MPHOSPH9: variants seen among roughly 807,000 people sequenced by gnomAD.
MPHOSPH9 encodes M-phase phosphoprotein 9.
A neutral mutation model predicts 145.5 loss-of-function variants in MPHOSPH9; 88 were observed. That is an observed-to-expected ratio of 0.60 (90% CI 0.51 to 0.72). The LOEUF (loss-of-function observed/expected upper bound fraction) is 0.72, where lower values mean the gene tolerates loss of function less well. Ranked by LOEUF, MPHOSPH9 falls within the 30% of genes least tolerant of loss-of-function variation. The pLI, the probability that MPHOSPH9 is intolerant of heterozygous loss-of-function variation, is 0.00. For synonymous variants in MPHOSPH9, 435 were observed against 486.2 expected (o/e 0.89, Z 1.39); for missense variants, 1,238 against 1,386.6 (o/e 0.89, Z 1.70).
chr12:123,202,454 G>T (rs2046263250), intron 10 of MPHOSPH9, 135 bp from the exon 11 acceptor site: 2 of 1,187,366 alleles, frequency 1.7e-6, no homozygotes, highest in South Asian at 3.1e-5. Context: ...AAAATATATA[G>T]ATTAATACAC....
intron 23 of MPHOSPH9, among the ~76,000 whole-genome samples, chr12:123,158,610 TAAG>T (rs1177347259): frequency 1.3e-5 from 2 of 151,746 alleles, no homozygotes; most frequent in Non-Finnish European, 2.9e-5. Context: ...AAGAGAAACC[TAAG>T]AAGAGAATCA....
chr12:123,167,566 C>A (rs1338332102), intron 16 of MPHOSPH9, among the ~76,000 whole-genome samples: 1 of 152,102 alleles, frequency 6.6e-6, no homozygotes, highest in Non-Finnish European at 1.5e-5. Flanking sequence ...GTGGACTGCC[C>A]TTTGTCTTTT....
chr12:123,217,124 C>T (rs1268900007), intron 6 of MPHOSPH9, among the ~76,000 whole-genome samples: 1 of 152,040 alleles, frequency 6.6e-6, no homozygotes, highest in East Asian at 1.9e-4. Context: ...TAGCTGCTAG[C>T]TTAGCAAAAG....
rs368384104 is a variant in MPHOSPH9 at position 123,176,734 on chromosome 12, T to G, written c.2410A>C (p.Ser804Arg). The G allele has an allele frequency of 3.7e-6, 6 of 1,613,940 alleles. No individual in the cohort carries two copies. In the African/African-American group the frequency reaches 6.7e-5, roughly 18 times the overall value. The change falls in exon 16 of 24, where the codon AGC (serine) becomes CGC (arginine). Residue 804 changes from serine (S) to arginine (R), a missense_variant. Physicochemically the swap from Ser to Arg is moderately radical, Grantham distance 110. Coordinates refer to ENST00000606320, the MANE Select transcript of MPHOSPH9 (RefSeq NM_022782.4). ...VKQVEHENML[S>R]LRHNSRIHVR... ...TGAATTCTAGAATTATGACGAAGGC[T>G]TAACATATTTTCATGTTCTACTTGC...
intron 16 of MPHOSPH9, among the ~76,000 whole-genome samples, chr12:123,171,769 C>A (rs937673354): frequency 1.3e-5 from 2 of 151,084 alleles, no homozygotes; most frequent in Non-Finnish European, 2.9e-5. Flanking sequence ...AACAAACAAA[C>A]AAAAAACATA....
chr12:123,229,210 G>A lies in MPHOSPH9; in HGVS notation c.104+1051C>T, dbSNP rs80263881. On this transcript the variant is annotated intron_variant, in intron 2 of 23. Transcript: ENST00000606320. The stretch of plus-strand genomic sequence containing the variant: ...CCTTTACCAGTAAGGCCCCAAAACC[G>A]CTGTTTTCCTTCCTTGTACCCGCTC... 7.9e-3 allele frequency among the ~76,000 whole-genome samples: 1,196 copies of A among 152,158 alleles called. 12 individuals carry two copies. Among genetic ancestry groups the A allele is most frequent in the South Asian group, 0.044 (213 of 4,822 alleles).
intron 7 of MPHOSPH9, among the ~76,000 whole-genome samples, chr12:123,211,142 G>A (rs948080802): frequency 1.1e-4 from 17 of 151,948 alleles, no homozygotes; most frequent in African/African-American, 3.9e-4. Flanking sequence ...GCACCATCAC[G>A]CCCTGCTAAT....
At chr12:123,242,292 C>T (rs990823048) in intron 1 of MPHOSPH9, among the ~76,000 whole-genome samples, 4 of 152,164 alleles carry the variant, frequency 2.6e-5, no homozygotes, top group African/African-American at 9.7e-5. Context: ...TACGCCGAAG[C>T]TCACGTTTGA....
chr12:123,184,942 T>C lies in MPHOSPH9; in HGVS notation c.2242-3732A>G, dbSNP rs535279493. ...CTTCTGCCTCCCGAGTAGCTGGGAT[T>C]ATAGATGTGCACCATCACACCCAGC... On this transcript the variant is annotated intron_variant, in intron 13 of 23. Coordinates refer to ENST00000606320, the MANE Select transcript of MPHOSPH9 (RefSeq NM_022782.4). Among the ~76,000 whole-genome samples the C allele has an allele frequency of 2.0e-5, 3 of 152,260 alleles. No individual in the cohort carries two copies. The East Asian group carries it at 5.8e-4, about 29-fold the overall frequency.
At chr12:123,204,017 T>C (rs1019448067) in intron 8 of MPHOSPH9, among the ~76,000 whole-genome samples, 9 of 151,748 alleles carry the variant, frequency 5.9e-5, no homozygotes, top group Non-Finnish European at 8.8e-5. Context: ...AGAAAATACT[T>C]CATAGGCTAG....
At chr12:123,241,571 C>T (rs2047937660) in intron 1 of MPHOSPH9, among the ~76,000 whole-genome samples, 1 of 152,064 alleles carries the variant, frequency 6.6e-6, no homozygotes, top group South Asian at 2.1e-4. Context: ...AATTCCTGAC[C>T]TCAGGTGATC....
chr12:123,164,588 G>A (rs2044234317), intron 18 of MPHOSPH9, among the ~76,000 whole-genome samples: 1 of 152,216 alleles, frequency 6.6e-6, no homozygotes, highest in Non-Finnish European at 1.5e-5. Context: ...CAAGAAAGAA[G>A]AGGAAATGTT....
At chr12:123,184,766 G>A (rs1050345182) in intron 13 of MPHOSPH9, among the ~76,000 whole-genome samples, 1 of 151,686 alleles carries the variant, frequency 6.6e-6, no homozygotes, top group Non-Finnish European at 1.5e-5. Flanking sequence ...CCAAAGTGCT[G>A]GGATTACAGG....
At chr12:123,231,684 A>G (rs546065081) in intron 1 of MPHOSPH9, among the ~76,000 whole-genome samples, 1 of 152,116 alleles carries the variant, frequency 6.6e-6, no homozygotes, top group African/African-American at 2.4e-5. Context: ...GCAACAGACC[A>G]AGACCCCATC....
chr12:123,224,917 C>T (rs2047374654), intron 3 of MPHOSPH9, among the ~76,000 whole-genome samples: 1 of 152,130 alleles, frequency 6.6e-6, no homozygotes, highest in Non-Finnish European at 1.5e-5. Context: ...GCTGAATTCA[C>T]AGTGAGTACA....
In MPHOSPH9 at chr12:123,194,381, C is replaced by A; in HGVS notation, c.2241+5G>T. 1 of 1,564,348 alleles carries A rather than the reference C, an allele frequency of 6.4e-7. No homozygotes were observed. Among genetic ancestry groups the A allele is most frequent in the Non-Finnish European group, 8.7e-7 (1 of 1,149,106 alleles). On this transcript the variant is annotated splice_donor_5th_base_variant and intron_variant, in intron 13 of 23. Transcript: ENST00000606320. ...GTCATTAAGTTACTATTATTCGCTA[C>A]TTACATCTTGAAACATTTTGTTCTC...
intron 13 of MPHOSPH9, among the ~76,000 whole-genome samples, chr12:123,181,969 T>C (rs1565918344): frequency 6.6e-6 from 1 of 152,020 alleles, no homozygotes; most frequent in Admixed American, 6.6e-5. Context: ...TTTTTTTTTT[T>C]CTTTAGATGG....
At chr12:123,169,241 A>C (rs1301040728) in intron 16 of MPHOSPH9, among the ~76,000 whole-genome samples, 1 of 150,926 alleles carries the variant, frequency 6.6e-6, no homozygotes, top group African/African-American at 2.4e-5. Context: ...CATGCCTATA[A>C]TCCTAGCACT....
chr12:123,198,809 CAAAAAAAAAAAAAA>C, intron 11 of MPHOSPH9, among the ~76,000 whole-genome samples: 1 of 48,556 alleles, frequency 2.1e-5, no homozygotes, highest in Non-Finnish European at 3.1e-5. Context: ...GAACCTGTCT[CAAAAAAAAAAAAAA>C]AAAAAAAAAA....
Sources: gnomAD v4.1 joint callset for allele counts (sites outside exome capture counted in the v4.1 genomes callset) on GRCh38, gnomAD v4.1.1 for gene constraint, MANE v1.5 for transcripts, NCBI Gene and HGNC (gene_info 2026-07-23, HGNC 2026-07-21) for gene names.